Variants in APBA1 observed in about 807,000 individuals in gnomAD.
The protein encoded by APBA1 is amyloid-beta A4 precursor protein-binding family A member 1.
In APBA1, 55 loss-of-function variants were observed where a neutral mutation model predicts 86.6. The ratio of observed to expected loss-of-function variants is 0.64; its 90% CI spans 0.51 to 0.80. The LOEUF is 0.80. APBA1 is among the 30% of genes least tolerant of loss of function. The probability of loss-of-function intolerance (pLI) is 0.00; values close to 1 mark genes in which losing one functional copy is unlikely to be tolerated. For synonymous variants in APBA1, 511 were observed against 493.9 expected, an observed-to-expected ratio of 1.03 and a Z score of -0.46; for missense variants, 1,090 against 1,183.0, an observed-to-expected ratio of 0.92 and a Z score of 1.15.
At chr9:69,656,235 T>C (rs1297719108) in intron 1 of APBA1, among the ~76,000 whole-genome samples, 5 of 152,188 alleles carry the variant, frequency 3.3e-5, no homozygotes, top group Non-Finnish European at 7.4e-5. Flanking sequence ...TAAAGCTAAA[T>C]GTATACCTGT....
intron 1 of APBA1, among the ~76,000 whole-genome samples, chr9:69,613,441 T>C (rs1453824495): frequency 2.0e-5 from 3 of 152,204 alleles, no homozygotes; most frequent in East Asian, 3.8e-4. Flanking sequence ...AGCTTTCCTC[T>C]TGAAGCTTTT....
chr9:69,482,532 A>T (rs1331544351), intron 2 of APBA1, among the ~76,000 whole-genome samples: 1 of 150,940 alleles, frequency 6.6e-6, no homozygotes, highest in African/African-American at 2.4e-5. Context: ...GTGGGACTGT[A>T]AACTAGTTCA....
At chr9:69,439,394 C>T (rs1431966079) in intron 11 of APBA1, among the ~76,000 whole-genome samples, 2 of 151,690 alleles carry the variant, frequency 1.3e-5, no homozygotes, top group Admixed American at 1.3e-4. Context: ...GTTCCATTCT[C>T]CCCGTCACTT....
chr9:69,523,449 G>T (rs1836284514), intron 1 of APBA1, among the ~76,000 whole-genome samples: 1 of 129,606 alleles, frequency 7.7e-6, no homozygotes, highest in African/African-American at 3.0e-5. Flanking sequence ...AGAAAGCTTA[G>T]CTATCATGTA....
intron 1 of APBA1, among the ~76,000 whole-genome samples, chr9:69,651,897 A>G (rs1588412941): frequency 6.6e-6 from 1 of 152,386 alleles, no homozygotes; most frequent in East Asian, 1.9e-4. Flanking sequence ...CAAAAGTCAC[A>G]TGTTGAAGCC....
chr9:69,511,258 C>A (rs1312411051), intron 2 of APBA1, among the ~76,000 whole-genome samples: 1 of 152,024 alleles, frequency 6.6e-6, no homozygotes, highest in Non-Finnish European at 1.5e-5. Flanking sequence ...AAAAAGTGGC[C>A]GAAGGACATG....
At chr9:69,448,369 T>C (rs1834946884) in intron 10 of APBA1, among the ~76,000 whole-genome samples, 1 of 152,258 alleles carries the variant, frequency 6.6e-6, no homozygotes, top group Non-Finnish European at 1.5e-5. Context: ...TGAATATCCA[T>C]GTTCAAAGTT....
At position 69,498,084 on chromosome 9, in the gene APBA1, G is replaced by C. The variant is rs892385041; in HGVS notation, c.1200+17927C>G. On this transcript the variant is annotated intron_variant, in intron 2 of 12. Coordinates refer to ENST00000265381, the MANE Select transcript of APBA1 (RefSeq NM_001163.4). ...ATCTCCTCCCTGGGGAGGGAGCACG[G>C]CTGAGTGACTTACTCTAAGCAATAA... is the stretch of plus-strand genomic sequence containing the variant. Among the ~76,000 whole-genome samples the C allele has an allele frequency of 6.6e-5, 10 of 152,182 alleles. No homozygotes were observed. In the East Asian group the frequency reaches 1.9e-3, roughly 29 times the overall value.
chr9:69,464,005 T>G (rs149482054), intron 5 of APBA1: 178 of 152,360 alleles, frequency 1.2e-3, no homozygotes, highest in African/African-American at 4.1e-3. Context: ...AGTCTCTCTT[T>G]AGGAAACAGC....
chr9:69,503,949 C>A (rs756717442), intron 2 of APBA1, among the ~76,000 whole-genome samples: 6 of 152,056 alleles, frequency 3.9e-5, no homozygotes, highest in Non-Finnish European at 8.8e-5. Flanking sequence ...GCAAGAAGAG[C>A]AATCCTCTGG....
intron 7 of APBA1, 151 bp downstream of exon 7, chr9:69,456,902 C>A: frequency 1.7e-6 from 1 of 597,656 alleles, no homozygotes; most frequent in Non-Finnish European, 2.9e-6. Context: ...CACCCAGCAG[C>A]AGGCACTGTG....
At chr9:69,650,903 A>G (rs376245019) in intron 1 of APBA1, among the ~76,000 whole-genome samples, 4 of 152,228 alleles carry the variant, frequency 2.6e-5, no homozygotes, top group African/African-American at 7.2e-5. Flanking sequence ...CCCTATGACG[A>G]AATAGTTTCA....
intron 8 of APBA1, among the ~76,000 whole-genome samples, chr9:69,454,501 C>T (rs1482818771): frequency 1.3e-5 from 2 of 152,148 alleles, no homozygotes; most frequent in Admixed American, 6.6e-5. Flanking sequence ...GTACTATCGT[C>T]CTGCAGAAGA....
intron 1 of APBA1, among the ~76,000 whole-genome samples, chr9:69,524,390 A>G (rs910623151): frequency 1.3e-5 from 2 of 152,160 alleles, no homozygotes; most frequent in African/African-American, 4.8e-5. Context: ...CGGAAATGAC[A>G]AAAGTGACAT....
intron 2 of APBA1, among the ~76,000 whole-genome samples, chr9:69,503,981 A>G (rs1169477469): frequency 1.3e-5 from 2 of 152,124 alleles, no homozygotes; most frequent in African/African-American, 2.4e-5. Flanking sequence ...GAAAGGGTGC[A>G]TATGAGGTAA....
intron 1 of APBA1, among the ~76,000 whole-genome samples, chr9:69,636,408 A>G (rs753162988): frequency 1.1e-4 from 17 of 152,242 alleles, no homozygotes; most frequent in Non-Finnish European, 1.5e-4. Flanking sequence ...ATATACTCCC[A>G]AAAAGGAAAT....
At chr9:69,592,596 T>C (rs939108542) in intron 1 of APBA1, among the ~76,000 whole-genome samples, 4 of 152,108 alleles carry the variant, frequency 2.6e-5, no homozygotes, top group African/African-American at 9.7e-5. Flanking sequence ...CCCTATCTCT[T>C]TAAAAATAAA....
intron 2 of APBA1, among the ~76,000 whole-genome samples, chr9:69,505,641 A>G (rs192584193): frequency 1.3e-5 from 2 of 152,266 alleles, no homozygotes; most frequent in African/African-American, 4.8e-5. Flanking sequence ...GCTTGCTAAC[A>G]TCAATCTCCC....
intron 1 of APBA1, among the ~76,000 whole-genome samples, chr9:69,582,824 C>T (rs1369319881): frequency 6.6e-6 from 1 of 152,204 alleles, no homozygotes; most frequent in Non-Finnish European, 1.5e-5. Context: ...ATCCATCAAG[C>T]TGGAAGCTGT....
Sources: allele counts gnomAD v4.1 joint callset (sites outside exome capture counted in the v4.1 genomes callset), GRCh38; gene constraint gnomAD v4.1.1; transcripts MANE v1.5; gene names NCBI Gene and HGNC (gene_info 2026-07-23, HGNC 2026-07-21).